The following GSE1 variants were observed in gnomAD, a reference collection of about 807,000 sequenced individuals.
The protein encoded by GSE1 is genetic suppressor element 1.
Under a neutral mutation model 112.6 loss-of-function variants are expected in GSE1, and 32 were observed. The ratio of observed to expected loss-of-function variants is 0.28; its 90% confidence interval spans 0.21 to 0.38. GSE1 has a LOEUF of 0.38. Among genes scored for constraint, GSE1 ranks in the 10% least tolerant of loss-of-function variants. The pLI, the probability that GSE1 is intolerant of heterozygous loss-of-function variation, is 1.00. For synonymous variants in GSE1, 1,115 were observed against 735.6 expected, an observed-to-expected ratio of 1.52 and a Z score of -8.35; for missense variants, 2,348 against 1,699.2, an observed-to-expected ratio of 1.38 and a Z score of -6.71.
intron 2 of GSE1, among the ~76,000 whole-genome samples, chr16:85,362,311 A>G (rs999574918): frequency 1.3e-5 from 2 of 152,228 alleles, no homozygotes; most frequent in African/African-American, 2.4e-5. Flanking sequence ...CATCGCATGC[A>G]GTATAAAATC....
chr16:85,238,358 C>T (rs1381854369), intron 1 of GSE1, among the ~76,000 whole-genome samples: 1 of 152,206 alleles, frequency 6.6e-6, no homozygotes, highest in Non-Finnish European at 1.5e-5. Flanking sequence ...GGCAGCCATC[C>T]AAGGGGGGCG....
At chr16:85,201,611 C>T (rs139641013) in intron 1 of GSE1, among the ~76,000 whole-genome samples, 126 of 151,592 alleles carry the variant, frequency 8.3e-4, no homozygotes, top group Non-Finnish European at 1.6e-3. Flanking sequence ...GAGATCAGGC[C>T]ACTGCACTCC....
chr16:85,486,055 G>T (rs1283603908), intron 2 of GSE1, among the ~76,000 whole-genome samples: 3 of 152,176 alleles, frequency 2.0e-5, no homozygotes, highest in African/African-American at 7.2e-5. Context: ...GCAGCTCAGT[G>T]CAGTGAGGGT....
chr16:85,567,786 G>A (rs140334839), intron 1 of GSE1, among the ~76,000 whole-genome samples: 4 of 152,278 alleles, frequency 2.6e-5, no homozygotes, highest in East Asian at 1.9e-4. Context: ...GTAGTGGTGC[G>A]ATCTCAGCTC....
At chr16:85,343,158 C>G (rs1000048619) in intron 1 of GSE1, among the ~76,000 whole-genome samples, 1 of 152,116 alleles carries the variant, frequency 6.6e-6, no homozygotes, top group South Asian at 2.1e-4. Flanking sequence ...CACTACGGCA[C>G]GCTCCTCAGC....
At chr16:85,213,025 CT>C (rs967159516) in intron 1 of GSE1, among the ~76,000 whole-genome samples, 1 of 152,108 alleles carries the variant, frequency 6.6e-6, no homozygotes. Context: ...AATCCCAACA[CT>C]TTGGGAGGCC....
chr16:85,310,578 C>T (rs2045811776), intron 1 of GSE1, among the ~76,000 whole-genome samples: 1 of 151,612 alleles, frequency 6.6e-6, no homozygotes, highest in African/African-American at 2.4e-5. Flanking sequence ...GCCCTTGGTC[C>T]TTGTTGCTTC....
chr16:85,409,307 GC>G (rs1312352565), intron 2 of GSE1, among the ~76,000 whole-genome samples: 6 of 44,312 alleles, frequency 1.4e-4, no homozygotes, highest in African/African-American at 5.9e-4. Flanking sequence ...TACACTCAGG[GC>G]CCCCCGGATA....
At chr16:85,619,348 T>C (rs556893634) in intron 1 of GSE1, among the ~76,000 whole-genome samples, 1 of 151,804 alleles carries the variant, frequency 6.6e-6, no homozygotes, top group Non-Finnish European at 1.5e-5. Flanking sequence ...AGTATTGATG[T>C]TGGACAGGTT....
At chr16:85,356,731 A>T (rs955633628) in intron 1 of GSE1, among the ~76,000 whole-genome samples, 2 of 152,196 alleles carry the variant, frequency 1.3e-5, no homozygotes, top group African/African-American at 4.8e-5. Flanking sequence ...GGCTCAAGCC[A>T]TCCTCCTGCC....
intron 1 of GSE1, among the ~76,000 whole-genome samples, chr16:85,199,045 A>G (rs893281924): frequency 6.6e-6 from 1 of 152,084 alleles, no homozygotes; most frequent in African/African-American, 2.4e-5. Flanking sequence ...CCCTGGTTCA[A>G]GTGATTCTGC....
At chr16:85,416,671 G>A (rs2048710385) in intron 2 of GSE1, among the ~76,000 whole-genome samples, 2 of 152,196 alleles carry the variant, frequency 1.3e-5, no homozygotes, top group Non-Finnish European at 2.9e-5. Flanking sequence ...AGGTTTCCTT[G>A]CTAAGATTCT....
intron 1 of GSE1, among the ~76,000 whole-genome samples, chr16:85,256,220 T>C (rs1044247201): frequency 1.0e-4 from 15 of 147,392 alleles, no homozygotes; most frequent in Non-Finnish European, 1.9e-4. Flanking sequence ...GGGTGGAGGG[T>C]GGGAGCTTCA....
chr16:85,671,608 C>G (rs1598733047), intron 15 of GSE1, among the ~76,000 whole-genome samples: 1 of 150,590 alleles, frequency 6.6e-6, no homozygotes, highest in African/African-American at 2.4e-5. Context: ...AGCAAGACCA[C>G]TGTCTCCTGA....
intron 1 of GSE1, among the ~76,000 whole-genome samples, chr16:85,623,648 C>G (rs1230398557): frequency 1.3e-5 from 2 of 152,192 alleles, no homozygotes; most frequent in African/African-American, 2.4e-5. Flanking sequence ...TGCAGGCAGG[C>G]ACACTGCGCC....
At chr16:85,465,829 G>A (rs2050107182) in intron 2 of GSE1, among the ~76,000 whole-genome samples, 1 of 152,228 alleles carries the variant, frequency 6.6e-6, no homozygotes. Context: ...GTATGTAGTA[G>A]GTGCCCAATA....
chr16:85,247,441 G>A (rs926315911), intron 1 of GSE1, among the ~76,000 whole-genome samples: 2 of 152,214 alleles, frequency 1.3e-5, no homozygotes, highest in African/African-American at 2.4e-5. Context: ...GGCTCCAGAA[G>A]GCAGTGGCTG....
At chr16:85,264,493 C>T (rs149897635) in intron 1 of GSE1, among the ~76,000 whole-genome samples, 3,120 of 152,204 alleles carry the variant, frequency 0.02, 123 homozygotes, top group African/African-American at 0.072. Flanking sequence ...CCGCCTCCCT[C>T]CTCGGCCGAC....
intron 1 of GSE1, among the ~76,000 whole-genome samples, chr16:85,231,754 C>A (rs1168077636): frequency 6.6e-6 from 1 of 152,182 alleles, no homozygotes; most frequent in African/African-American, 2.4e-5. Context: ...CCCATTTAAA[C>A]CTTCATTTTT....
Sources: gnomAD v4.1 joint callset for allele counts (sites outside exome capture counted in the v4.1 genomes callset) on GRCh38, gnomAD v4.1.1 for gene constraint, MANE v1.5 for transcripts, NCBI Gene and HGNC (gene_info 2026-07-23, HGNC 2026-07-21) for gene names.